Variants in NEDD1 observed in about 807,000 individuals in gnomAD.
The protein encoded by NEDD1 is protein NEDD1.
In NEDD1, 33 loss-of-function variants were observed where a neutral mutation model predicts 74.0. The observed-to-expected ratio is 0.45, with a 90% confidence interval of 0.34 to 0.60. The LOEUF (loss-of-function observed/expected upper bound fraction) is 0.60, where lower values mean the gene tolerates loss of function less well. Ranked by LOEUF, NEDD1 falls within the 20% of genes least tolerant of loss-of-function variation. The probability of loss-of-function intolerance (pLI) is 0.01; values close to 1 mark genes in which losing one functional copy is unlikely to be tolerated. For missense variants in NEDD1, 746 were observed against 776.5 expected, an observed-to-expected ratio of 0.96 and a Z score of 0.47; for synonymous variants, 250 against 264.4, an observed-to-expected ratio of 0.95 and a Z score of 0.53.
intron 4 of NEDD1, among the ~76,000 whole-genome samples, chr12:96,915,117 T>G (rs1874303833): frequency 6.6e-6 from 1 of 152,218 alleles, no homozygotes; most frequent in South Asian, 2.1e-4. Context: ...TGCAGGAGAA[T>G]TACAGCAACT....
At chr12:96,939,518 G>A (rs1877458761) in intron 9 of NEDD1, among the ~76,000 whole-genome samples, 1 of 151,964 alleles carries the variant, frequency 6.6e-6, no homozygotes, top group South Asian at 2.1e-4. Context: ...GCTGTTCTTT[G>A]TTTTCATCTC....
intron 6 of NEDD1, among the ~76,000 whole-genome samples, chr12:96,931,653 T>C (rs1037288293): frequency 3.9e-5 from 6 of 152,184 alleles, no homozygotes; most frequent in African/African-American, 7.2e-5. Flanking sequence ...AACCCAAATG[T>C]CTAACATGAT....
intron 3 of NEDD1, 132 bp downstream of exon 3, chr12:96,910,027 T>A: frequency 1.1e-6 from 1 of 901,726 alleles, no homozygotes; most frequent in Non-Finnish European, 1.6e-6. Flanking sequence ...CAAGGATAGA[T>A]AACGTAAAAT....
chr12:96,923,788 TTGTGTGTGTGTG>T (rs10528785), intron 6 of NEDD1, among the ~76,000 whole-genome samples: 27,763 of 142,264 alleles, frequency 0.2, 3,699 homozygotes, highest in African/African-American at 0.37. Context: ...TAATACCTGT[TTGTGTGTGTGTG>T]TGTGTGTGTG....
chr12:96,940,945 A>G (rs1877604427), intron 10 of NEDD1, among the ~76,000 whole-genome samples: 1 of 152,014 alleles, frequency 6.6e-6, no homozygotes, highest in Non-Finnish European at 1.5e-5. Flanking sequence ...ACCCCATAAA[A>G]AAGTTGGCAT....
intron 9 of NEDD1, among the ~76,000 whole-genome samples, chr12:96,940,045 A>G (rs1329843199): frequency 6.6e-6 from 1 of 152,072 alleles, no homozygotes; most frequent in Non-Finnish European, 1.5e-5. Flanking sequence ...GTCAGTCAAT[A>G]GCAAAAGTAA....
chr12:96,935,359 T>C (rs546226677), intron 7 of NEDD1, among the ~76,000 whole-genome samples, 154 bp downstream of exon 7: 2 of 152,332 alleles, frequency 1.3e-5, no homozygotes, highest in South Asian at 4.1e-4. Context: ...TTTCTTCTTA[T>C]GCAGAAAGAA....
chr12:96,950,885 G>C (rs1266017316), intron 14 of NEDD1, among the ~76,000 whole-genome samples: 1 of 151,736 alleles, frequency 6.6e-6, no homozygotes, highest in Non-Finnish European at 1.5e-5. Flanking sequence ...TCTTTTGTAG[G>C]CATGAATTAA....
At chr12:96,942,695 C>A in intron 11 of NEDD1, 71 bp downstream of exon 11, 2 of 767,082 alleles carry the variant, frequency 2.6e-6, no homozygotes, top group Non-Finnish European at 4.6e-6. Context: ...TGTAACAAAT[C>A]TCTCCAACAC....
In NEDD1 at chr12:96,907,838, C is replaced by T. The variant is rs1239564893; in HGVS notation, c.-27C>T. 3 of 1,416,646 alleles carry T rather than the reference C, an allele frequency of 2.1e-6. No individual in the cohort carries two copies. The highest frequency in any genetic ancestry group is 5.4e-5 in the Admixed American group (2 of 36,932). 87.8% of individuals were successfully genotyped at this position (1,416,646 alleles called of 1,614,324 possible). A position where few individuals can be genotyped will look rare whatever the true frequency, so the allele number is the denominator to read the frequency against. On this transcript the variant is annotated 5_prime_UTR_variant, in exon 2 of 16. Transcript: ENST00000266742. Reference sequence around the variant, plus strand: ...CATGTAAAGTCTCTCCCTTAATGCTCAGTTCTTAGAAGACCGAGGTAGGTG... The same window carrying T: ...CATGTAAAGTCTCTCCCTTAATGCTTAGTTCTTAGAAGACCGAGGTAGGTG...
At chr12:96,909,689 C>A in intron 2 of NEDD1, 63 bp from the exon 3 acceptor site, 1 of 1,344,682 alleles carries the variant, frequency 7.4e-7, no homozygotes, top group Non-Finnish European at 1.0e-6. Context: ...TAGATTTTGA[C>A]CTTTTTTTGA....
chr12:96,917,630 A>G lies in NEDD1; in HGVS notation c.241A>G (p.Thr81Ala). The part of the protein sequence containing the change: ...LLELAEGQKQ[T>A]CVNLNSTSMY... ...TTTTTTTTTTAAATAGCAAAAGCAG[A>G]CATGTGTCAATTTAAATTCTACATC... The change falls in exon 5 of 16, where the codon ACA (threonine) becomes GCA (alanine). Residue 81 changes from threonine (T) to alanine (A), a missense_variant. Physicochemically the swap from Thr to Ala is moderately conservative, Grantham distance 58. This residue lies in a region of NEDD1 where 706 missense variants were observed against 706.7 expected (regional missense o/e 1.00). Transcript: ENST00000266742. 1 of 1,511,628 alleles carries G rather than the reference A, an allele frequency of 6.6e-7. No homozygotes were observed. Among genetic ancestry groups the G allele is most frequent in the Non-Finnish European group, 8.8e-7 (1 of 1,139,778 alleles). The allele number at this position is 1,511,628 out of a possible 1,614,324, so 93.6% of individuals were successfully genotyped here.
chr12:96,914,986 T>G (rs1592860789), intron 4 of NEDD1, among the ~76,000 whole-genome samples: 1 of 152,190 alleles, frequency 6.6e-6, no homozygotes, highest in Non-Finnish European at 1.5e-5. Flanking sequence ...ACACCATCTT[T>G]TTCTATTTTA....
rs2136530337 is a variant in NEDD1, at chr12:96,919,997, C to G, written c.361C>G (p.Gln121Glu). 2.5e-6 allele frequency: 4 copies of G among 1,605,616 alleles called. No homozygotes were observed. The highest frequency in any genetic ancestry group is 4.5e-5 in the East Asian group (2 of 44,674). Residue 121 changes from glutamine to glutamate, a missense_variant, in exon 6 of 16, where the codon CAA (glutamine) becomes GAA (glutamate). Gln to Glu is a conservative substitution (Grantham distance 29). Transcript: ENST00000266742. Reference protein sequence around the residue: ...VHRSLKDHKDQVTCVTYNWND... With the variant: ...VHRSLKDHKDEVTCVTYNWND... ...TTCTCTCTTTCAGGATCATAAAGAT[C>G]AAGTAACTTGTGTAACATACAATTG...
chr12:96,914,262 C>CTA, intron 4 of NEDD1, among the ~76,000 whole-genome samples: 1 of 152,248 alleles, frequency 6.6e-6, no homozygotes, highest in South Asian at 2.1e-4. Flanking sequence ...TACTCTACCA[C>CTA]TATATATATG....
chr12:96,907,298 G>A lies in NEDD1; in HGVS notation c.-264G>A. On this transcript the variant is annotated splice_region_variant and 5_prime_UTR_variant, in exon 1 of 16. Transcript: ENST00000266742. Reference sequence around the variant, plus strand: ...CGGCCCCCTGTTGTGTTGCTGCGGAGAGGTGAGGTTCCGGAGGCCCTGAGG... The same window carrying A: ...CGGCCCCCTGTTGTGTTGCTGCGGAAAGGTGAGGTTCCGGAGGCCCTGAGG... 1 of 312,054 alleles carries A rather than the reference G, an allele frequency of 3.2e-6. No homozygotes were observed. The highest frequency in any genetic ancestry group is 5.8e-6 in the Non-Finnish European group (1 of 172,204). 19.3% of individuals were successfully genotyped at this position (312,054 alleles called of 1,614,324 possible). A position where few individuals can be genotyped will look rare whatever the true frequency, so the allele number is the denominator to read the frequency against.
At chr12:96,928,611 C>T (rs947782489) in intron 6 of NEDD1, among the ~76,000 whole-genome samples, 43 of 148,868 alleles carry the variant, frequency 2.9e-4, no homozygotes, top group African/African-American at 9.4e-4. Flanking sequence ...TTTAAAGCCA[C>T]GTAATTTTTC....
intron 1 of NEDD1, 117 bp from the exon 2 acceptor site, chr12:96,907,487 G>C: frequency 1.2e-6 from 1 of 848,748 alleles, no homozygotes; most frequent in Non-Finnish European, 1.9e-6. Context: ...GGGGAGGCGC[G>C]GGCCGGGGTC....
intron 6 of NEDD1, among the ~76,000 whole-genome samples, chr12:96,929,607 G>A (rs74364287): frequency 2.2e-4 from 18 of 83,186 alleles, no homozygotes; most frequent in African/African-American, 4.0e-4. Flanking sequence ...ACACATATGT[G>A]TATATATATA....
Sources: gnomAD v4.1 joint callset for allele counts (sites outside exome capture counted in the v4.1 genomes callset) on GRCh38, gnomAD v4.1.1 for gene constraint, gnomAD v4.1.1 regional missense constraint, MANE v1.5 for transcripts, NCBI Gene and HGNC (gene_info 2026-07-23, HGNC 2026-07-21) for gene names.